GATAD2A: variants seen among roughly 807,000 people sequenced by gnomAD.
The protein encoded by GATAD2A is transcriptional repressor p66-alpha.
Under a neutral mutation model 68.5 loss-of-function variants are expected in GATAD2A, and 12 were observed. The ratio of observed to expected loss-of-function variants is 0.18; its 90% CI spans 0.11 to 0.28. The LOEUF is 0.28. Among genes scored for constraint, GATAD2A ranks in the 10% least tolerant of loss-of-function variants. The pLI is 1.00. For missense variants in GATAD2A, 755 were observed against 868.5 expected, an observed-to-expected ratio of 0.87 and a Z score of 1.64; for synonymous variants, 410 against 375.3, an observed-to-expected ratio of 1.09 and a Z score of -1.07.
Position 19,429,228 on chromosome 19 carries a change from A to T in GATAD2A, c.-7+23209A>T, listed in dbSNP as rs986021620. On this transcript the variant is annotated intron_variant, in intron 1 of 11. Transcript: ENST00000683918. ...GTAGCAAGTTTCAGCAAAAAGTTCC[A>T]GCATCGTGGTCCATGGTGAGGGGCT... is the stretch of plus-strand genomic sequence containing the variant. The T allele has an allele frequency of 6.1e-6, 6 of 985,116 alleles. No individual in the cohort carries two copies. In the African/African-American group the frequency reaches 1.0e-4, roughly 17 times the overall value. 61.0% of individuals were successfully genotyped at this position (985,116 alleles called of 1,614,324 possible). A position where few individuals can be genotyped will look rare whatever the true frequency, so the allele number is the denominator to read the frequency against.
At chr19:19,431,664 A>G (rs567492732) in intron 1 of GATAD2A, among the ~76,000 whole-genome samples, 17 of 150,434 alleles carry the variant, frequency 1.1e-4, no homozygotes, top group South Asian at 2.1e-4. Flanking sequence ...ACTGCACTCC[A>G]GCCTGAGCAA....
In GATAD2A at chr19:19,467,094, A is replaced by G. The variant is rs117856697; in HGVS notation, c.269+1480A>G. On this transcript the variant is annotated intron_variant, in intron 2 of 11. Coordinates refer to ENST00000683918, the MANE Select transcript of GATAD2A (RefSeq NM_001384528.1). ...TAAGTGTTAAAGAAACTCAGAGTTCAGCTGGGCGCGGTGACTCACGCCTGT... is the reference window on the plus strand; with the variant it reads ...TAAGTGTTAAAGAAACTCAGAGTTCGGCTGGGCGCGGTGACTCACGCCTGT... 7.3e-3 allele frequency among the ~76,000 whole-genome samples: 1,107 copies of G among 152,318 alleles called. 42 individuals are homozygous for G. In the East Asian group the frequency reaches 0.093, roughly 13 times the overall value.
At chr19:19,501,533 A>AT in intron 9 of GATAD2A, 117 bp downstream of exon 9, 1 of 837,888 alleles carries the variant, frequency 1.2e-6, no homozygotes, top group Non-Finnish European at 1.8e-6. Context: ...ATTGCAGTTA[A>AT]TGGTGGTGTT....
rs575557524 is a variant in GATAD2A at position 19,393,456 on chromosome 19, C to T, written c.-7+7318C>T. On this transcript the variant is annotated intron_variant, in intron 1 of 11. Transcript: ENST00000360315. ...CTTCTGGCCCATGTAACTTCCTATG[C>T]GAACAAATAATTCAGGAACAAACAC... 4.6e-5 allele frequency among the ~76,000 whole-genome samples: 7 copies of T among 152,272 alleles called. No homozygotes were observed. In the East Asian group the frequency reaches 7.7e-4, roughly 17 times the overall value.
chr19:19,416,799 G>A (rs2051699106), intron 1 of GATAD2A, among the ~76,000 whole-genome samples: 1 of 150,232 alleles, frequency 6.7e-6, no homozygotes, highest in Admixed American at 6.6e-5. Flanking sequence ...TTTCGCTCTT[G>A]TTGCCCAGGC....
intron 1 of GATAD2A, among the ~76,000 whole-genome samples, chr19:19,455,216 A>G (rs748396135): frequency 1.9e-4 from 29 of 152,016 alleles, no homozygotes; most frequent in Admixed American, 1.3e-3. Context: ...GGGGCTGGGC[A>G]CGGTGACTCA....
At chr19:19,504,632 T>G (rs928943076) in intron 11 of GATAD2A, among the ~76,000 whole-genome samples, 1 of 142,360 alleles carries the variant, frequency 7.0e-6, no homozygotes, top group African/African-American at 2.8e-5. Flanking sequence ...GGAGATAGTT[T>G]TTTTTTCCTT....
At chr19:19,490,368 T>C (rs555902729) in intron 2 of GATAD2A, among the ~76,000 whole-genome samples, 4 of 152,048 alleles carry the variant, frequency 2.6e-5, no homozygotes, top group Admixed American at 6.5e-5. Flanking sequence ...AGGACGCAGC[T>C]CATGGGTGTG....
chr19:19,481,369 C>T (rs2059045829), intron 2 of GATAD2A, among the ~76,000 whole-genome samples: 1 of 152,214 alleles, frequency 6.6e-6, no homozygotes, highest in Non-Finnish European at 1.5e-5. Flanking sequence ...CTTGCTCTGT[C>T]TCCCAAACTG....
chr19:19,485,750 A>G (rs1245383854), intron 2 of GATAD2A, among the ~76,000 whole-genome samples: 1 of 152,236 alleles, frequency 6.6e-6, no homozygotes, highest in Non-Finnish European at 1.5e-5. Context: ...TCAGGACTGC[A>G]GAGATGGGCC....
At position 19,405,975 on chromosome 19, in the gene GATAD2A, C is replaced by T. The variant is rs1316094107; in HGVS notation, c.-51C>T. The T allele has an allele frequency of 1.3e-5, 2 of 150,354 alleles. No homozygotes were observed. The highest frequency in any genetic ancestry group is 3.9e-4 in the East Asian group (2 of 5,114). The allele number at this position is 150,354 out of a possible 1,614,324, so 9.3% of individuals were successfully genotyped here. On this transcript the variant is annotated 5_prime_UTR_variant, in exon 1 of 12. Transcript: ENST00000683918. ...GCGGGCGACCCCGGACCAGCAGCCC[C>T]CGTAACCTGCGCGCTGCCCTAGGGC...
intron 1 of GATAD2A, among the ~76,000 whole-genome samples, chr19:19,461,703 C>T (rs1189589262): frequency 1.3e-5 from 2 of 152,190 alleles, no homozygotes; most frequent in South Asian, 2.1e-4. Flanking sequence ...CCAGTGTGTG[C>T]GGGACGTATC....
intron 2 of GATAD2A, among the ~76,000 whole-genome samples, chr19:19,491,676 G>C (rs1384164947): frequency 6.6e-6 from 1 of 152,236 alleles, no homozygotes; most frequent in Non-Finnish European, 1.5e-5. Flanking sequence ...GGCCCAAGAA[G>C]GGCCATCTAG....
In GATAD2A at chr19:19,508,395, A is replaced by C. The variant is rs1028096773; in HGVS notation, c.*2921A>C. The C allele has an allele frequency of 6.6e-6, 1 of 152,246 alleles. No individual in the cohort carries two copies. The highest frequency in any genetic ancestry group is 1.5e-5 in the Non-Finnish European group (1 of 68,072). The allele number at this position is 152,246 out of a possible 1,614,324, so 9.4% of individuals were successfully genotyped here. On this transcript the variant is annotated 3_prime_UTR_variant, in exon 12 of 12. Coordinates refer to ENST00000683918, the MANE Select transcript of GATAD2A (RefSeq NM_001384528.1). ...CCCTTCTCAGAGTGGAACAGCCCAC[A>C]GTGCTAGTTGTGCCTGGTCTTACCT...
chr19:19,428,578 A>C (rs999158353), intron 1 of GATAD2A, among the ~76,000 whole-genome samples: 4 of 152,104 alleles, frequency 2.6e-5, no homozygotes, highest in African/African-American at 9.7e-5. Context: ...AGAATGTGCT[A>C]GGAGGAAGCT....
chr19:19,399,176 A>T (rs1334551397), intron 1 of GATAD2A, among the ~76,000 whole-genome samples: 5 of 152,150 alleles, frequency 3.3e-5, no homozygotes, highest in Admixed American at 6.5e-5. Flanking sequence ...GTGAGCCGAG[A>T]TCATGCCACC....
chr19:19,466,993 G>C (rs1435369691), intron 2 of GATAD2A, among the ~76,000 whole-genome samples: 1 of 152,174 alleles, frequency 6.6e-6, no homozygotes, highest in Non-Finnish European at 1.5e-5. Context: ...TGCATTCCTG[G>C]GTTGCTGACA....
Position 19,405,675 on chromosome 19 carries a change from A to G in GATAD2A, c.-351A>G, listed in dbSNP as rs1359205219. 6.6e-6 allele frequency: 1 copy of G among 151,128 alleles called. No homozygotes were observed. The highest frequency in any genetic ancestry group is 1.5e-5 in the Non-Finnish European group (1 of 67,668). 9.4% of individuals were successfully genotyped at this position (151,128 alleles called of 1,614,324 possible). On this transcript the variant is annotated 5_prime_UTR_variant, in exon 1 of 12. Coordinates refer to ENST00000683918, the MANE Select transcript of GATAD2A (RefSeq NM_001384528.1). ...CGTCAGGCCCCGCCCCTCGGTCGCC[A>G]CGCCCCGCCCAGCCGGGCGCGGGCG...
chr19:19,437,170 C>T (rs546561269), intron 1 of GATAD2A, among the ~76,000 whole-genome samples: 2 of 152,308 alleles, frequency 1.3e-5, no homozygotes, highest in East Asian at 3.9e-4. Flanking sequence ...CACTCTGTCA[C>T]CCAGGCTGGA....
Sources: gnomAD v4.1 joint callset for allele counts (sites outside exome capture counted in the v4.1 genomes callset) on GRCh38, gnomAD v4.1.1 for gene constraint, MANE v1.5 for transcripts, NCBI Gene and HGNC (gene_info 2026-07-23, HGNC 2026-07-21) for gene names.